ZNF131: variants seen among roughly 807,000 people sequenced by gnomAD.
The protein encoded by ZNF131 is zinc finger and BTB domain containing 35, also known as zinc finger protein 131.
ZNF131 carries 7 observed loss-of-function variants against 60.0 expected under a neutral mutation model. The observed-to-expected ratio is 0.12, with a 90% CI of 0.07 to 0.22. ZNF131 has a LOEUF of 0.22. Ranked by LOEUF, ZNF131 falls within the 10% of genes least tolerant of loss-of-function variation. ZNF131 has a pLI of 1.00. For missense variants in ZNF131, 493 were observed against 740.9 expected (o/e 0.67, Z 3.88); for synonymous variants, 257 against 253.2 (o/e 1.01, Z -0.14).
chr5:43,132,765 G>T (rs759303896), intron 3 of ZNF131, among the ~76,000 whole-genome samples: 1 of 152,006 alleles, frequency 6.6e-6, no homozygotes, highest in East Asian at 1.9e-4. Flanking sequence ...TGCCCACCTC[G>T]TCCTCCCAAA....
At position 43,139,313 on chromosome 5, in the gene ZNF131, C is replaced by T; in HGVS notation, c.371+4C>T. The T allele has an allele frequency of 6.3e-7, 1 of 1,597,900 alleles. No homozygotes were observed. The highest frequency in any genetic ancestry group is 8.5e-7 in the Non-Finnish European group (1 of 1,173,864). The stretch of plus-strand genomic sequence containing the variant: ...CTATCAAAGCCCTTGAAGTCAGGTA[C>T]TTAATTTCTTTAATGGGGTTCAGAT... On this transcript the variant is annotated splice_donor_region_variant and intron_variant, in intron 4 of 6. Transcript: ENST00000682664.
intron 4 of ZNF131, among the ~76,000 whole-genome samples, chr5:43,145,022 A>G (rs939944995): frequency 1.3e-5 from 2 of 152,008 alleles, no homozygotes; most frequent in Non-Finnish European, 2.9e-5. Context: ...TAATCATATT[A>G]GTGTTCCCAC....
At chr5:43,152,202 C>T (rs1748405018) in intron 4 of ZNF131, among the ~76,000 whole-genome samples, 1 of 152,046 alleles carries the variant, frequency 6.6e-6, no homozygotes, top group East Asian at 1.9e-4. Flanking sequence ...GGAGTTTCAC[C>T]ACGTTGGCCA....
At chr5:43,132,726 T>C (rs888507654) in intron 3 of ZNF131, among the ~76,000 whole-genome samples, 7 of 152,116 alleles carry the variant, frequency 4.6e-5, no homozygotes, top group African/African-American at 1.4e-4. Flanking sequence ...TTGGCCAGGG[T>C]GGTCTCGAAC....
intron 4 of ZNF131, among the ~76,000 whole-genome samples, chr5:43,152,320 C>T (rs138135153): frequency 2.0e-5 from 3 of 152,246 alleles, no homozygotes; most frequent in Admixed American, 6.5e-5. Context: ...TCCTATTTAT[C>T]ACAAGCTCCT....
intron 3 of ZNF131, among the ~76,000 whole-genome samples, chr5:43,133,679 A>C (rs112657206): frequency 3.3e-5 from 5 of 152,322 alleles, no homozygotes; most frequent in South Asian, 2.1e-4. Context: ...GAATTAAAGA[A>C]TGTTTAATGG....
chr5:43,152,623 T>C (rs1047116222), intron 4 of ZNF131, among the ~76,000 whole-genome samples: 2 of 152,098 alleles, frequency 1.3e-5, no homozygotes, highest in African/African-American at 4.8e-5. Context: ...GTTTTGTTTT[T>C]GGAGACAGGG....
At chr5:43,159,089 G>T (rs1749317577) in intron 4 of ZNF131, among the ~76,000 whole-genome samples, 2 of 152,086 alleles carry the variant, frequency 1.3e-5, no homozygotes, top group Admixed American at 1.3e-4. Context: ...ACATAGAGTG[G>T]CCCAGGTGAA....
Position 43,175,230 on chromosome 5 carries a change from A to G in ZNF131, c.*97A>G. ...TTAATTAAGCCTAACAGACAAGTGG[A>G]CCAAAGTTAAGCTGTTTCCTGTTGT... On this transcript the variant is annotated 3_prime_UTR_variant, in exon 7 of 7. Transcript: ENST00000682664. The G allele has an allele frequency of 1.6e-6, 2 of 1,245,894 alleles. No homozygotes were observed. Among genetic ancestry groups the G allele is most frequent in the East Asian group, 5.1e-5 (2 of 39,406 alleles). 77.2% of individuals were successfully genotyped at this position (1,245,894 alleles called of 1,614,324 possible).
intron 4 of ZNF131, among the ~76,000 whole-genome samples, chr5:43,147,280 TTGAG>T (rs1272433697): frequency 6.6e-6 from 1 of 152,148 alleles, no homozygotes; most frequent in Non-Finnish European, 1.5e-5. Flanking sequence ...ATACAAATCT[TTGAG>T]TGGATATATG....
chr5:43,125,550 G>T (rs1443257800), intron 3 of ZNF131, among the ~76,000 whole-genome samples: 1 of 151,950 alleles, frequency 6.6e-6, no homozygotes, highest in African/African-American at 2.4e-5. Flanking sequence ...GGAGGCCGAG[G>T]CAGGCAGATC....
intron 1 of ZNF131, 45 bp from the exon 2 acceptor site, chr5:43,121,994 C>G (rs780447324): frequency 4.4e-6 from 7 of 1,577,320 alleles, no homozygotes; most frequent in Admixed American, 1.9e-5. Flanking sequence ...TTTTGTTCCT[C>G]GGCTCGAGCT....
chr5:43,123,111 C>T lies in ZNF131; in HGVS notation c.125-98C>T, dbSNP rs482224. 8.2e-4 allele frequency: 673 copies of T among 817,296 alleles called. 8 individuals carry two copies. In the African/African-American group the frequency reaches 0.011, roughly 13 times the overall value. 50.6% of individuals were successfully genotyped at this position (817,296 alleles called of 1,614,324 possible). ...TCTGTAGTTACGTAATGAAGGAAGA[C>T]CTATTTTGCTTTATATGATTTTTAA... On this transcript the variant is annotated intron_variant, in intron 2 of 6. Transcript: ENST00000682664.
chr5:43,155,079 C>T (rs895893759), intron 4 of ZNF131, among the ~76,000 whole-genome samples: 18 of 152,304 alleles, frequency 1.2e-4, no homozygotes, highest in African/African-American at 3.8e-4. Context: ...GCCCAGTGAA[C>T]ACCGTCAAAT....
At chr5:43,131,938 T>C (rs72750704) in intron 3 of ZNF131, among the ~76,000 whole-genome samples, 14,768 of 152,248 alleles carry the variant, frequency 0.097, 854 homozygotes, top group East Asian at 0.19. Flanking sequence ...CTGTTAGTAT[T>C]CTATTTAAAA....
rs774425272 is a variant in ZNF131 at position 43,122,021 on chromosome 5, C to T, written c.-15-18C>T. 6.2e-6 allele frequency: 10 copies of T among 1,612,348 alleles called. No individual in the cohort carries two copies. Among genetic ancestry groups the T allele is most frequent in the African/African-American group, 1.3e-5 (1 of 74,904 alleles). ...GCTCGAGCTCATGGGTGTACATTAT[C>T]ATGCTCTTCTTTTGTAGAGCAGCCC... On this transcript the variant is annotated intron_variant, in intron 1 of 6. Coordinates refer to ENST00000682664, the MANE Select transcript of ZNF131 (RefSeq NM_001330707.2).
chr5:43,172,318 C>T (rs1052880569), intron 5 of ZNF131, among the ~76,000 whole-genome samples: 1 of 152,134 alleles, frequency 6.6e-6, no homozygotes. Flanking sequence ...GAGGTTTTTA[C>T]TATCACTTAA....
At chr5:43,122,530 CAT>C (rs1744001006) in intron 2 of ZNF131, among the ~76,000 whole-genome samples, 1 of 152,120 alleles carries the variant, frequency 6.6e-6, no homozygotes, top group Non-Finnish European at 1.5e-5. Flanking sequence ...TTACAGGAGT[CAT>C]TTGGGAAGTG....
rs141134135 is a variant in ZNF131, at chr5:43,142,937, G to A, written c.371+3628G>A. Among the ~76,000 whole-genome samples the A allele has an allele frequency of 1.8e-3, 273 of 151,888 alleles. 2 individuals are homozygous for A. Among genetic ancestry groups the A allele is most frequent in the African/African-American group, 6.3e-3 (260 of 41,420 alleles). ...TCTCGAACTCCTGGGCTCAAGAGAC[G>A]TGGCCACCTCAGCCTCTCAAAGTGC... is the stretch of plus-strand genomic sequence containing the variant. On this transcript the variant is annotated intron_variant, in intron 4 of 6. Coordinates refer to ENST00000682664, the MANE Select transcript of ZNF131 (RefSeq NM_001330707.2).
Sources: gnomAD v4.1 joint callset for allele counts (sites outside exome capture counted in the v4.1 genomes callset) on GRCh38, gnomAD v4.1.1 for gene constraint, MANE v1.5 for transcripts, NCBI Gene and HGNC (gene_info 2026-07-23, HGNC 2026-07-21) for gene names.